The following GPC5 variants were observed in gnomAD, a reference collection of about 807,000 sequenced individuals.
GPC5 encodes glypican 5, also known as glypican-5.
A neutral mutation model predicts 53.9 loss-of-function variants in GPC5; 47 were observed. The observed-to-expected ratio is 0.87, with a 90% CI of 0.69 to 1.11. The LOEUF (loss-of-function observed/expected upper bound fraction) is 1.11. Ranked by LOEUF, GPC5 falls within the 50% of genes most tolerant of loss-of-function variation. The pLI, the probability that GPC5 is intolerant of heterozygous loss-of-function variation, is 0.00. For missense variants in GPC5, 748 were observed against 713.1 expected, an observed-to-expected ratio of 1.05 and a Z score of -0.56; for synonymous variants, 286 against 263.3, an observed-to-expected ratio of 1.09 and a Z score of -0.84.
intron 6 of GPC5, among the ~76,000 whole-genome samples, chr13:92,078,180 A>C (rs570875362): frequency 6.6e-6 from 1 of 152,338 alleles, no homozygotes; most frequent in South Asian, 2.1e-4. Context: ...GTGTTTTTGG[A>C]TAATTAATTC....
At chr13:91,856,485 G>A (rs1284625361) in intron 5 of GPC5, among the ~76,000 whole-genome samples, 1 of 151,526 alleles carries the variant, frequency 6.6e-6, no homozygotes, top group African/African-American at 2.4e-5. Flanking sequence ...TCAATATTTA[G>A]TGTTGTCATT....
At chr13:91,611,524 T>G (rs908559298) in intron 2 of GPC5, among the ~76,000 whole-genome samples, 33 of 152,328 alleles carry the variant, frequency 2.2e-4, no homozygotes, top group African/African-American at 7.5e-4. Context: ...CATTAGTTCA[T>G]CAGAAAGTCA....
chr13:91,427,562 A>G (rs900257844), intron 1 of GPC5, among the ~76,000 whole-genome samples: 1 of 152,200 alleles, frequency 6.6e-6, no homozygotes, highest in African/African-American at 2.4e-5. Flanking sequence ...TCTTGGAAGT[A>G]ACTAACTTGT....
intron 2 of GPC5, among the ~76,000 whole-genome samples, chr13:91,471,313 G>A (rs1317838293): frequency 6.6e-6 from 1 of 151,668 alleles, no homozygotes; most frequent in Admixed American, 6.6e-5. Flanking sequence ...TTCATTTGGA[G>A]ATAATGTTTC....
intron 7 of GPC5, among the ~76,000 whole-genome samples, chr13:92,385,365 T>TATATAA (rs1264865026): frequency 2.1e-5 from 1 of 46,784 alleles, no homozygotes; most frequent in Non-Finnish European, 5.3e-5. Context: ...CATATATACA[T>TATATAA]ATATATACAT....
intron 5 of GPC5, among the ~76,000 whole-genome samples, chr13:91,831,878 A>G (rs2038664186): frequency 6.6e-6 from 1 of 152,120 alleles, no homozygotes; most frequent in East Asian, 1.9e-4. Flanking sequence ...TTTACTTCCA[A>G]TGATGTGGTC....
intron 7 of GPC5, among the ~76,000 whole-genome samples, chr13:92,569,302 T>C (rs934925986): frequency 7.9e-5 from 12 of 152,016 alleles, no homozygotes; most frequent in Non-Finnish European, 1.8e-4. Context: ...GTAGGTACTA[T>C]TGTTAACTCC....
At chr13:91,814,574 C>T (rs1284123675) in intron 5 of GPC5, among the ~76,000 whole-genome samples, 1 of 151,158 alleles carries the variant, frequency 6.6e-6, no homozygotes, top group Non-Finnish European at 1.5e-5. Context: ...GAGTTTCACT[C>T]TCGTCACCCA....
intron 7 of GPC5, among the ~76,000 whole-genome samples, chr13:92,426,606 G>T (rs1203070704): frequency 6.6e-6 from 1 of 151,974 alleles, no homozygotes; most frequent in Non-Finnish European, 1.5e-5. Flanking sequence ...AAGAAAAAGA[G>T]CAATGAGAAT....
In GPC5 at chr13:92,840,088, T is replaced by C. The variant is rs1284740728; in HGVS notation, c.1562-26194T>C. Among the ~76,000 whole-genome samples, 7 of 40,592 alleles carry C rather than the reference T, an allele frequency of 1.7e-4. No individual in the cohort carries two copies. The South Asian group carries it at 3.4e-3, about 20-fold the overall frequency. The allele number at this position is 40,592 out of a possible 152,430, so 26.6% of individuals were successfully genotyped here. A position where few individuals can be genotyped will look rare whatever the true frequency, so the allele number is the denominator to read the frequency against. ...CTTCATATATACATACATATATATATATATATATATATATATATATATATA... is the reference window on the plus strand; with the variant it reads ...CTTCATATATACATACATATATATACATATATATATATATATATATATATA... On this transcript the variant is annotated intron_variant, in intron 7 of 7. Transcript: ENST00000377067.
chr13:91,774,852 A>G (rs1371366935), intron 5 of GPC5, among the ~76,000 whole-genome samples: 2 of 152,138 alleles, frequency 1.3e-5, no homozygotes, highest in Non-Finnish European at 2.9e-5. Context: ...CTTTTTGCGT[A>G]ACTTTTATCT....
rs1374912461 is a variant in GPC5 at position 92,429,451 on chromosome 13, ATAATT to A, written c.1561+284467_1561+284471del. On this transcript the variant is annotated intron_variant, in intron 7 of 7. Transcript: ENST00000377067. ...ACTAATTTAAAAAACTAATTTTTAAATAATTTAATAATATTTCTCTACATAATACA... is the reference window on the plus strand; with the variant it reads ...ACTAATTTAAAAAACTAATTTTTAAATAATAATATTTCTCTACATAATACA... Among the ~76,000 whole-genome samples, 7 of 151,840 alleles carry A rather than the reference ATAATT, an allele frequency of 4.6e-5. No individual in the cohort carries two copies. In the East Asian group the frequency reaches 1.4e-3, roughly 29 times the overall value.
At chr13:92,312,419 G>T (rs182627228) in intron 7 of GPC5, among the ~76,000 whole-genome samples, 51 of 152,222 alleles carry the variant, frequency 3.4e-4, no homozygotes, top group African/African-American at 1.2e-3. Flanking sequence ...ATTCTGAAAA[G>T]ATAAACTCAT....
intron 5 of GPC5, among the ~76,000 whole-genome samples, chr13:91,767,497 G>A (rs1427438992): frequency 1.3e-5 from 2 of 152,176 alleles, no homozygotes. Flanking sequence ...AATTTCTGAA[G>A]CCAGGCTAAA....
At chr13:91,605,304 T>C (rs2033326566) in intron 2 of GPC5, among the ~76,000 whole-genome samples, 1 of 148,674 alleles carries the variant, frequency 6.7e-6, no homozygotes, top group South Asian at 2.2e-4. Flanking sequence ...TTCTGTTCCA[T>C]TGATCTATGT....
In GPC5 at chr13:92,293,440, T is replaced by C. The variant is rs1027626524; in HGVS notation, c.1561+148451T>C. Among the ~76,000 whole-genome samples, 125 of 147,088 alleles carry C rather than the reference T, an allele frequency of 8.5e-4. 5 individuals are homozygous for C. In the East Asian group the frequency reaches 0.011, roughly 13 times the overall value. ...TTGGTTTCTTTTTTTTTTTTTTTTT[T>C]TTTTTTTTTGGCAGCTATTGTAAAA... On this transcript the variant is annotated intron_variant, in intron 7 of 7. Coordinates refer to ENST00000377067, the MANE Select transcript of GPC5 (RefSeq NM_004466.6).
chr13:91,470,395 A>G (rs571103486), intron 2 of GPC5, among the ~76,000 whole-genome samples: 129 of 152,258 alleles, frequency 8.5e-4, no homozygotes, highest in African/African-American at 3.1e-3. Context: ...GATTAGACTG[A>G]TATCAGTATC....
At chr13:92,106,939 T>C (rs1201513551) in intron 6 of GPC5, among the ~76,000 whole-genome samples, 1 of 152,126 alleles carries the variant, frequency 6.6e-6, no homozygotes, top group Non-Finnish European at 1.5e-5. Context: ...CCTTTGAGAC[T>C]ACAGTAATTC....
At chr13:91,860,483 TTC>T (rs2039014965) in intron 5 of GPC5, among the ~76,000 whole-genome samples, 2 of 145,488 alleles carry the variant, frequency 1.4e-5, no homozygotes, top group Non-Finnish European at 3.0e-5. Flanking sequence ...CCTTCCTTCC[TTC>T]CTTCCTCTTT....
Sources: gnomAD v4.1 joint callset for allele counts (sites outside exome capture counted in the v4.1 genomes callset) on GRCh38, gnomAD v4.1.1 for gene constraint, MANE v1.5 for transcripts, NCBI Gene and HGNC (gene_info 2026-07-23, HGNC 2026-07-21) for gene names.